Variants in EYS observed in about 807,000 individuals in gnomAD.
EYS encodes protein eyes shut homolog.
In EYS, 250 loss-of-function variants were observed where a neutral mutation model predicts 282.1. That is an observed-to-expected ratio of 0.89 (90% confidence interval 0.80 to 0.98). The LOEUF is 0.98. Among genes scored for constraint, EYS ranks in the 50% least tolerant of loss-of-function variants. The pLI is 0.00. For missense variants in EYS, 4,016 were observed against 3,709.0 expected (o/e 1.08, Z -2.15); for synonymous variants, 1,355 against 1,282.9 (o/e 1.06, Z -1.20).
At chr6:65,142,243 T>C (rs962168806) in intron 12 of EYS, among the ~76,000 whole-genome samples, 11 of 152,008 alleles carry the variant, frequency 7.2e-5, no homozygotes, top group African/African-American at 1.9e-4. Flanking sequence ...TATTTCTCTT[T>C]AGTTTGAAGC....
chr6:65,130,868 A>G (rs1307449375), intron 12 of EYS, among the ~76,000 whole-genome samples: 1 of 151,620 alleles, frequency 6.6e-6, no homozygotes, highest in Non-Finnish European at 1.5e-5. Context: ...GTTGTTTTTA[A>G]AAATAGTTTT....
At chr6:65,231,039 C>G in intron 12 of EYS, among the ~76,000 whole-genome samples, 1 of 108,244 alleles carries the variant, frequency 9.2e-6, no homozygotes. Context: ...CACTTGTACC[C>G]CAAAATTAAA....
intron 12 of EYS, among the ~76,000 whole-genome samples, chr6:65,123,081 A>G (rs965914847): frequency 6.6e-6 from 1 of 152,098 alleles, no homozygotes; most frequent in African/African-American, 2.4e-5. Context: ...AAATAAAGGG[A>G]AACTTGAGCA....
In EYS at chr6:65,215,870, T is replaced by G. The variant is rs1766299007; in HGVS notation, c.2023+79993A>C. Among the ~76,000 whole-genome samples the G allele has an allele frequency of 1.3e-5, 2 of 152,212 alleles. 1 individual carries two copies. The highest frequency in any genetic ancestry group is 4.1e-4 in the South Asian group (2 of 4,836). On this transcript the variant is annotated intron_variant, in intron 12 of 42. Coordinates refer to ENST00000503581, the MANE Select transcript of EYS (RefSeq NM_001142800.2). ...AAGGTTCAGATGATTGTTAGCATATTTTAACAATGAAGAATTTTTCAGTTA... is the reference window on the plus strand; with the variant it reads ...AAGGTTCAGATGATTGTTAGCATATGTTAACAATGAAGAATTTTTCAGTTA...
At chr6:63,956,858 T>C (rs532239523) in intron 35 of EYS, among the ~76,000 whole-genome samples, 67 of 152,326 alleles carry the variant, frequency 4.4e-4, no homozygotes, top group African/African-American at 1.5e-3. Context: ...CTAAAATTTT[T>C]TTTTGGCTTT....
chr6:64,378,425 A>G (rs601604), intron 29 of EYS, among the ~76,000 whole-genome samples: 104,290 of 151,956 alleles, frequency 0.69, 35,828 homozygotes, highest in South Asian at 0.71. Context: ...ATGCTTCATA[A>G]CATGAGCTTC....
chr6:65,657,848 G>T (rs185950417), intron 1 of EYS, among the ~76,000 whole-genome samples: 2 of 151,832 alleles, frequency 1.3e-5, no homozygotes, highest in Admixed American at 6.6e-5. Flanking sequence ...GTTAATTGAT[G>T]TATCAAACTT....
chr6:63,865,119 T>C, intron 35 of EYS, among the ~76,000 whole-genome samples: 1 of 152,176 alleles, frequency 6.6e-6, no homozygotes, highest in Non-Finnish European at 1.5e-5. Context: ...GTGCCAATCA[T>C]AGTGTATAGT....
chr6:65,052,716 A>G (rs902525411), intron 13 of EYS, among the ~76,000 whole-genome samples: 1 of 151,662 alleles, frequency 6.6e-6, no homozygotes, highest in Non-Finnish European at 1.5e-5. Flanking sequence ...TTTCTGAAGA[A>G]AAATTAAGTC....
At chr6:64,859,031 G>C (rs942146044) in intron 19 of EYS, among the ~76,000 whole-genome samples, 1 of 151,824 alleles carries the variant, frequency 6.6e-6, no homozygotes, top group Admixed American at 6.6e-5. Flanking sequence ...AGAAAATGAA[G>C]AATTGAACTG....
Position 64,355,808 on chromosome 6 carries a change from C to T in EYS, c.6078+32882G>A, listed in dbSNP as rs114160454. On this transcript the variant is annotated intron_variant, in intron 29 of 42. Coordinates refer to ENST00000503581, the MANE Select transcript of EYS (RefSeq NM_001142800.2). Reference sequence around the variant, plus strand: ...CCTAGCAGAGTTAACAAATAACACTCGTATAATTAGCAAGTGGCAAGTGCC... The same window carrying T: ...CCTAGCAGAGTTAACAAATAACACTTGTATAATTAGCAAGTGGCAAGTGCC... 2.1e-4 allele frequency among the ~76,000 whole-genome samples: 32 copies of T among 151,662 alleles called. 1 individual carries two copies. The highest frequency in any genetic ancestry group is 3.4e-3 in the Middle Eastern group (1 of 294).
chr6:63,755,627 C>T (rs1356129624), intron 41 of EYS, among the ~76,000 whole-genome samples: 2 of 152,072 alleles, frequency 1.3e-5, no homozygotes, highest in African/African-American at 2.4e-5. Flanking sequence ...TTTTTTGGTT[C>T]CCTATGATAT....
At chr6:65,591,487 C>A (rs1339369976) in intron 2 of EYS, among the ~76,000 whole-genome samples, 1 of 151,836 alleles carries the variant, frequency 6.6e-6, no homozygotes, top group Non-Finnish European at 1.5e-5. Context: ...GAAAACAACC[C>A]ATTTCATAGT....
chr6:65,269,458 C>A (rs1282051153), intron 12 of EYS, among the ~76,000 whole-genome samples: 1 of 152,132 alleles, frequency 6.6e-6, no homozygotes, highest in Non-Finnish European at 1.5e-5. Flanking sequence ...CTTGTGACAT[C>A]CAGCCCTGAG....
chr6:65,497,705 C>T (rs1766304612), intron 2 of EYS, among the ~76,000 whole-genome samples: 2 of 152,130 alleles, frequency 1.3e-5, no homozygotes, highest in South Asian at 4.2e-4. Flanking sequence ...TAACTTTGTC[C>T]ATAGGTTCTT....
intron 2 of EYS, among the ~76,000 whole-genome samples, chr6:65,513,833 C>A (rs549985988): frequency 6.6e-6 from 1 of 152,070 alleles, no homozygotes; most frequent in Admixed American, 6.5e-5. Flanking sequence ...CAGCCGACAT[C>A]ATACTGAATG....
intron 10 of EYS, among the ~76,000 whole-genome samples, 155 bp from the exon 11 acceptor site, chr6:65,335,301 A>C (rs1279569352): frequency 1.3e-5 from 2 of 151,820 alleles, no homozygotes; most frequent in Admixed American, 1.3e-4. Flanking sequence ...CAAGGGTTCA[A>C]AGCTTGGCTG....
At chr6:64,921,098 A>G (rs987903835) in intron 15 of EYS, among the ~76,000 whole-genome samples, 2 of 152,272 alleles carry the variant, frequency 1.3e-5, no homozygotes, top group Non-Finnish European at 2.9e-5. Context: ...AATAAATGCT[A>G]TATCTGTTTC....
chr6:65,362,415 A>G (rs1046362990), intron 8 of EYS, among the ~76,000 whole-genome samples: 7 of 152,188 alleles, frequency 4.6e-5, no homozygotes, highest in African/African-American at 1.7e-4. Flanking sequence ...AAACACACAT[A>G]GATATATTTT....
Sources: gnomAD v4.1 joint callset for allele counts (sites outside exome capture counted in the v4.1 genomes callset) on GRCh38, gnomAD v4.1.1 for gene constraint, MANE v1.5 for transcripts, NCBI Gene and HGNC (gene_info 2026-07-23, HGNC 2026-07-21) for gene names.